The following VEGFC variants were observed in gnomAD, a reference collection of about 807,000 sequenced individuals.
VEGFC encodes vascular endothelial growth factor C.
VEGFC carries 12 observed loss-of-function variants against 46.1 expected under a neutral mutation model. The observed-to-expected ratio is 0.26, with a 90% CI of 0.17 to 0.42. The LOEUF (loss-of-function observed/expected upper bound fraction) is 0.42. VEGFC is among the 10% of genes least tolerant of loss of function. The pLI, the probability that VEGFC is intolerant of heterozygous loss-of-function variation, is 1.00. For missense variants in VEGFC, 488 were observed against 529.4 expected, an observed-to-expected ratio of 0.92 and a Z score of 0.77; for synonymous variants, 232 against 195.5, an observed-to-expected ratio of 1.19 and a Z score of -1.56.
At position 176,791,945 on chromosome 4, in the gene VEGFC, G is replaced by A. The variant is rs575438290; in HGVS notation, c.147+220C>T. On this transcript the variant is annotated intron_variant, in intron 1 of 6. Transcript: ENST00000618562. ...GGGATCTCTCACTGGGCACCTCTCCGGGCCCTTCACTCGTGTAACTTGCTT... is the reference window on the plus strand; with the variant it reads ...GGGATCTCTCACTGGGCACCTCTCCAGGCCCTTCACTCGTGTAACTTGCTT... Among the ~76,000 whole-genome samples, 399 of 152,216 alleles carry A rather than the reference G, an allele frequency of 2.6e-3. 1 individual carries two copies. The highest frequency in any genetic ancestry group is 4.6e-3 in the Non-Finnish European group (316 of 68,020).
At chr4:176,785,475 C>T (rs1735987320) in intron 1 of VEGFC, among the ~76,000 whole-genome samples, 1 of 152,018 alleles carries the variant, frequency 6.6e-6, no homozygotes, top group African/African-American at 2.4e-5. Context: ...ATTATTCCAC[C>T]ATATTTAAAA....
intron 1 of VEGFC, among the ~76,000 whole-genome samples, chr4:176,760,873 G>T (rs1011156845): frequency 6.6e-6 from 1 of 152,176 alleles, no homozygotes; most frequent in African/African-American, 2.4e-5. Flanking sequence ...TTAGCTGGAT[G>T]TATTCTAAGC....
chr4:176,777,484 C>T (rs1735833724), intron 1 of VEGFC, among the ~76,000 whole-genome samples: 1 of 152,158 alleles, frequency 6.6e-6, no homozygotes, highest in Non-Finnish European at 1.5e-5. Flanking sequence ...ATCTTGGAAT[C>T]TTATAGAATT....
At chr4:176,697,993 AG>A (rs1324748884) in intron 4 of VEGFC, among the ~76,000 whole-genome samples, 1 of 145,216 alleles carries the variant, frequency 6.9e-6, no homozygotes, top group Non-Finnish European at 1.5e-5. Flanking sequence ...TGTGGGGTGG[AG>A]GGAGGGGGAG....
intron 6 of VEGFC, among the ~76,000 whole-genome samples, chr4:176,686,322 G>T (rs1246383888): frequency 6.6e-6 from 1 of 152,198 alleles, no homozygotes; most frequent in Non-Finnish European, 1.5e-5. Flanking sequence ...CATGGTAGGT[G>T]AAAGAGGTGA....
chr4:176,772,976 C>A (rs144136472), intron 1 of VEGFC, among the ~76,000 whole-genome samples: 4 of 152,322 alleles, frequency 2.6e-5, no homozygotes, highest in African/African-American at 9.6e-5. Flanking sequence ...TCCTTTCCTT[C>A]TTTGTGAAAA....
At chr4:176,760,313 C>T (rs1735507243) in intron 1 of VEGFC, among the ~76,000 whole-genome samples, 1 of 152,018 alleles carries the variant, frequency 6.6e-6, no homozygotes, top group Admixed American at 6.6e-5. Context: ...AAATATAGGC[C>T]ATTTTTAATT....
At chr4:176,692,133 G>T (rs113479381) in intron 4 of VEGFC, among the ~76,000 whole-genome samples, 2 of 150,714 alleles carry the variant, frequency 1.3e-5, no homozygotes, top group African/African-American at 5.0e-5. Flanking sequence ...GGTGGCTCAC[G>T]CCTGTAATCC....
intron 1 of VEGFC, among the ~76,000 whole-genome samples, chr4:176,748,244 C>G (rs1735289045): frequency 6.6e-6 from 1 of 151,892 alleles, no homozygotes; most frequent in African/African-American, 2.4e-5. Context: ...ATTACTTTAC[C>G]ATAATAAACA....
chr4:176,707,804 G>C (rs899957250), intron 4 of VEGFC, among the ~76,000 whole-genome samples: 1 of 152,154 alleles, frequency 6.6e-6, no homozygotes. Context: ...TATGACTGGA[G>C]GATTTTCTCT....
intron 4 of VEGFC, among the ~76,000 whole-genome samples, chr4:176,704,521 T>C (rs1361446575): frequency 2.6e-5 from 4 of 152,168 alleles, no homozygotes; most frequent in Non-Finnish European, 5.9e-5. Context: ...TCCCAAGTCA[T>C]ATGCTTTCTT....
At chr4:176,771,837 G>A (rs1373958843) in intron 1 of VEGFC, among the ~76,000 whole-genome samples, 1 of 152,072 alleles carries the variant, frequency 6.6e-6, no homozygotes, top group African/African-American at 2.4e-5. Flanking sequence ...ACACAGTGTG[G>A]GATCTACAAA....
rs78881166 is a variant in VEGFC at position 176,739,739 on chromosome 4, C to A, written c.148-9993G>T. On this transcript the variant is annotated intron_variant, in intron 1 of 6. Coordinates refer to ENST00000618562, the MANE Select transcript of VEGFC (RefSeq NM_005429.5). ...CAAACCTACACATCCTGCACATGAACCCCTGAACTTAAAAGTTGAAGAAAA... is the reference window on the plus strand; with the variant it reads ...CAAACCTACACATCCTGCACATGAAACCCTGAACTTAAAAGTTGAAGAAAA... Among the ~76,000 whole-genome samples, 1,089 of 151,364 alleles carry A rather than the reference C, an allele frequency of 7.2e-3. 15 individuals are homozygous for A. The highest frequency in any genetic ancestry group is 0.025 in the African/African-American group (1,037 of 41,346).
At chr4:176,779,502 T>C (rs944047226) in intron 1 of VEGFC, among the ~76,000 whole-genome samples, 4 of 152,134 alleles carry the variant, frequency 2.6e-5, no homozygotes, top group African/African-American at 9.7e-5. Context: ...TAAAGAAGAT[T>C]TGCATAACAC....
intron 1 of VEGFC, among the ~76,000 whole-genome samples, chr4:176,731,646 C>T (rs138361606): frequency 2.9e-4 from 44 of 152,016 alleles, no homozygotes; most frequent in Non-Finnish European, 8.8e-5. Flanking sequence ...CACTACAAGT[C>T]AGCTGTGATT....
chr4:176,730,592 T>C (rs1187525519), intron 1 of VEGFC, among the ~76,000 whole-genome samples: 2 of 152,204 alleles, frequency 1.3e-5, no homozygotes, highest in South Asian at 2.1e-4. Context: ...TATAAATATG[T>C]AAGTAAATAC....
At chr4:176,766,689 T>C (rs1266049225) in intron 1 of VEGFC, among the ~76,000 whole-genome samples, 2 of 151,044 alleles carry the variant, frequency 1.3e-5, no homozygotes, top group African/African-American at 2.4e-5. Context: ...TAAAACAGAG[T>C]CCAGAAAGAA....
At chr4:176,739,584 G>C (rs1735120055) in intron 1 of VEGFC, among the ~76,000 whole-genome samples, 1 of 151,828 alleles carries the variant, frequency 6.6e-6, no homozygotes, top group African/African-American at 2.4e-5. Flanking sequence ...ACACACTGGG[G>C]CCTGTTGTGG....
chr4:176,723,950 G>A (rs1734833030), intron 3 of VEGFC, among the ~76,000 whole-genome samples: 2 of 152,004 alleles, frequency 1.3e-5, no homozygotes, highest in East Asian at 3.9e-4. Context: ...TTTATTTTAG[G>A]TTTGGGGGTG....
Sources: gnomAD v4.1 joint callset for allele counts (sites outside exome capture counted in the v4.1 genomes callset) on GRCh38, gnomAD v4.1.1 for gene constraint, MANE v1.5 for transcripts, NCBI Gene and HGNC (gene_info 2026-07-23, HGNC 2026-07-21) for gene names.